The following FBXL17 variants were observed in gnomAD, a reference collection of about 807,000 sequenced individuals.
FBXL17 encodes the protein F-box/LRR-repeat protein 17.
Under a neutral mutation model 66.2 loss-of-function variants are expected in FBXL17, and 22 were observed. The observed-to-expected ratio is 0.33, with a 90% CI of 0.24 to 0.47. The LOEUF (loss-of-function observed/expected upper bound fraction) is 0.47, where lower values mean the gene tolerates loss of function less well. Ranked by LOEUF, FBXL17 falls within the 20% of genes least tolerant of loss-of-function variation. The probability of loss-of-function intolerance (pLI) is 1.00; values close to 1 mark genes in which losing one functional copy is unlikely to be tolerated. For missense variants in FBXL17, 878 were observed against 948.2 expected (o/e 0.93, Z 0.97); for synonymous variants, 474 against 400.5 (o/e 1.18, Z -2.19).
chr5:108,230,621 T>A (rs142534225), intron 4 of FBXL17, among the ~76,000 whole-genome samples: 2,302 of 152,008 alleles, frequency 0.015, 65 homozygotes, highest in African/African-American at 0.053. Flanking sequence ...GGGTTCAGTG[T>A]ATACTGCTCG....
At chr5:107,906,162 T>C (rs1749751241) in intron 7 of FBXL17, among the ~76,000 whole-genome samples, 1 of 152,070 alleles carries the variant, frequency 6.6e-6, no homozygotes, top group Admixed American at 6.6e-5. Flanking sequence ...GCCAGCCAAG[T>C]AGTCAGAATA....
chr5:108,372,512 A>G (rs762523354), intron 1 of FBXL17, among the ~76,000 whole-genome samples: 2 of 152,206 alleles, frequency 1.3e-5, no homozygotes, highest in African/African-American at 2.4e-5. Context: ...AAACCGAGAG[A>G]ACCCTGAAAG....
chr5:108,009,296 T>TAG lies in FBXL17; in HGVS notation c.1822+11628_1822+11629insCT, dbSNP rs1442694841. 9.2e-5 allele frequency among the ~76,000 whole-genome samples: 3 copies of TAG among 32,444 alleles called. 1 individual carries two copies. Among genetic ancestry groups the TAG allele is most frequent in the African/African-American group, 2.9e-4 (3 of 10,470 alleles). 21.3% of individuals were successfully genotyped at this position (32,444 alleles called of 152,430 possible). On this transcript the variant is annotated intron_variant, in intron 7 of 8. Coordinates refer to ENST00000542267, the MANE Select transcript of FBXL17 (RefSeq NM_001163315.3). ...ATATATATATATATATATATATATA[T>TAG]ATATACATATATACATACACATATA...
At chr5:108,082,323 A>T (rs1748803353) in intron 6 of FBXL17, among the ~76,000 whole-genome samples, 1 of 152,194 alleles carries the variant, frequency 6.6e-6, no homozygotes, top group Non-Finnish European at 1.5e-5. Flanking sequence ...CTTCCTAGCA[A>T]TATGACTGTG....
intron 3 of FBXL17, among the ~76,000 whole-genome samples, chr5:108,349,075 G>A (rs920708633): frequency 6.6e-6 from 1 of 152,098 alleles, no homozygotes; most frequent in Admixed American, 6.6e-5. Flanking sequence ...CAAAGTCCTG[G>A]GATTACAGGT....
At chr5:107,978,982 T>A (rs1752696646) in intron 7 of FBXL17, among the ~76,000 whole-genome samples, 1 of 152,212 alleles carries the variant, frequency 6.6e-6, no homozygotes, top group South Asian at 2.1e-4. Flanking sequence ...ATTCTGGGTT[T>A]TACCAGATGT....
At chr5:108,243,566 G>A (rs1034914501) in intron 4 of FBXL17, among the ~76,000 whole-genome samples, 1 of 152,142 alleles carries the variant, frequency 6.6e-6, no homozygotes, top group South Asian at 2.1e-4. Context: ...GATTATACGT[G>A]AGCCTAGTAG....
At chr5:107,950,716 G>T (rs1751472334) in intron 7 of FBXL17, among the ~76,000 whole-genome samples, 1 of 152,064 alleles carries the variant, frequency 6.6e-6, no homozygotes, top group South Asian at 2.1e-4. Context: ...TTGAATATTT[G>T]GGAACCAATT....
chr5:107,936,037 A>G (rs1017042935), intron 7 of FBXL17, among the ~76,000 whole-genome samples: 3 of 152,164 alleles, frequency 2.0e-5, no homozygotes, highest in African/African-American at 7.2e-5. Flanking sequence ...ACACCCATAT[A>G]TTAATAATAC....
intron 4 of FBXL17, among the ~76,000 whole-genome samples, chr5:108,243,037 T>C (rs771671297): frequency 4.6e-5 from 7 of 152,220 alleles, no homozygotes; most frequent in African/African-American, 9.6e-5. Flanking sequence ...GAGAATCTGA[T>C]AATTCGATTG....
chr5:107,890,440 T>C (rs1051468109), intron 7 of FBXL17, among the ~76,000 whole-genome samples: 4 of 151,620 alleles, frequency 2.6e-5, no homozygotes, highest in Non-Finnish European at 5.9e-5. Context: ...GGCAGGCAGA[T>C]TGCTTGAGGC....
At chr5:108,346,118 C>T (rs1209758768) in intron 4 of FBXL17, among the ~76,000 whole-genome samples, 4 of 151,988 alleles carry the variant, frequency 2.6e-5, no homozygotes, top group Admixed American at 6.6e-5. Flanking sequence ...GCTATGGCTT[C>T]GCAAGTATTT....
intron 4 of FBXL17, among the ~76,000 whole-genome samples, chr5:108,240,273 G>A (rs1755798221): frequency 6.6e-6 from 1 of 152,174 alleles, no homozygotes; most frequent in Admixed American, 6.5e-5. Context: ...CCTGATTCCA[G>A]GCATTAGCTC....
At chr5:108,273,552 T>C (rs1757363684) in intron 4 of FBXL17, among the ~76,000 whole-genome samples, 1 of 151,792 alleles carries the variant, frequency 6.6e-6, no homozygotes, top group Non-Finnish European at 1.5e-5. Flanking sequence ...AAATTCTTTT[T>C]ATCAAAATTT....
At chr5:108,260,400 A>G (rs1466317758) in intron 4 of FBXL17, among the ~76,000 whole-genome samples, 1 of 152,144 alleles carries the variant, frequency 6.6e-6, no homozygotes, top group Non-Finnish European at 1.5e-5. Context: ...CAGGGTAGCT[A>G]TATCCAGGAA....
chr5:108,238,434 T>A (rs1755702406), intron 4 of FBXL17, among the ~76,000 whole-genome samples: 1 of 152,224 alleles, frequency 6.6e-6, no homozygotes, highest in Non-Finnish European at 1.5e-5. Flanking sequence ...GGGCACATGT[T>A]AAACATCTAT....
chr5:108,221,141 A>G (rs1167653940), intron 5 of FBXL17, among the ~76,000 whole-genome samples: 1 of 152,252 alleles, frequency 6.6e-6, no homozygotes, highest in Non-Finnish European at 1.5e-5. Flanking sequence ...AATCTAAGTA[A>G]TAATGGCATG....
At position 108,247,470 on chromosome 5, in the gene FBXL17, A is replaced by C. The variant is rs144481818; in HGVS notation, c.1507-23242T>G. On this transcript the variant is annotated intron_variant, in intron 4 of 8. Transcript: ENST00000542267. ...CACATTATTTAACCTTCTGTATCTCAGTTTTATTATCTGTAAAATGGAAAT... is the reference window on the plus strand; with the variant it reads ...CACATTATTTAACCTTCTGTATCTCCGTTTTATTATCTGTAAAATGGAAAT... Among the ~76,000 whole-genome samples the C allele has an allele frequency of 5.2e-3, 788 of 152,262 alleles. 9 individuals carry two copies. The highest frequency in any genetic ancestry group is 0.018 in the African/African-American group (746 of 41,564).
chr5:107,900,377 T>C (rs1386879038), intron 7 of FBXL17, among the ~76,000 whole-genome samples: 1 of 152,200 alleles, frequency 6.6e-6, no homozygotes, highest in Non-Finnish European at 1.5e-5. Flanking sequence ...CAGACTATGA[T>C]TGACAGTTCT....
Sources: gnomAD v4.1 joint callset for allele counts (sites outside exome capture counted in the v4.1 genomes callset) on GRCh38, gnomAD v4.1.1 for gene constraint, MANE v1.5 for transcripts, NCBI Gene and HGNC (gene_info 2026-07-23, HGNC 2026-07-21) for gene names.